ERBB4: variants seen among roughly 807,000 people sequenced by gnomAD.
ERBB4 encodes erb-b2 receptor tyrosine kinase 4.
In ERBB4, 42 loss-of-function variants were observed where a neutral mutation model predicts 158.0. That is an observed-to-expected ratio of 0.27 (90% CI 0.21 to 0.34). The LOEUF is 0.34. ERBB4 is among the 10% of genes least tolerant of loss of function. ERBB4 has a pLI of 1.00. For synonymous variants in ERBB4, 583 were observed against 558.7 expected (o/e 1.04, Z -0.61); for missense variants, 1,333 against 1,624.1 (o/e 0.82, Z 3.08).
intron 15 of ERBB4, among the ~76,000 whole-genome samples, chr2:211,664,243 C>T (rs2071534659): frequency 6.6e-6 from 1 of 152,104 alleles, no homozygotes; most frequent in Admixed American, 6.6e-5. Context: ...CAACAGCTAT[C>T]CCTTAATCTG....
intron 2 of ERBB4, among the ~76,000 whole-genome samples, chr2:212,095,006 G>C (rs1297553319): frequency 6.6e-6 from 1 of 150,916 alleles, no homozygotes; most frequent in Non-Finnish European, 1.5e-5. Flanking sequence ...TTCTGATACT[G>C]TTTTTTTTTC....
chr2:211,671,227 CA>C (rs1453005360), intron 14 of ERBB4, among the ~76,000 whole-genome samples: 1 of 151,936 alleles, frequency 6.6e-6, no homozygotes, highest in Non-Finnish European at 1.5e-5. Context: ...TTAAAATATG[CA>C]AATAATGCAA....
In ERBB4 at chr2:211,379,002, T is replaced by G. The variant is rs1162587478; in HGVS notation, c.*4613A>C. 1 of 231,940 alleles carries G rather than the reference T, an allele frequency of 4.3e-6. No homozygotes were observed. The highest frequency in any genetic ancestry group is 6.1e-5 in the East Asian group (1 of 16,440). 14.4% of individuals were successfully genotyped at this position (231,940 alleles called of 1,614,324 possible). On this transcript the variant is annotated 3_prime_UTR_variant, in exon 28 of 28. Transcript: ENST00000342788. ...GGTTTTTTTAACAACTAGAAGCTGA[T>G]GCACATGGATTTCTCATTTGCCCTA...
chr2:211,570,752 T>A (rs2067700386), intron 19 of ERBB4, among the ~76,000 whole-genome samples: 1 of 152,132 alleles, frequency 6.6e-6, no homozygotes, highest in South Asian at 2.1e-4. Flanking sequence ...ATCTGTACAT[T>A]AGGGATATTT....
chr2:211,876,884 A>G (rs1455975431), intron 3 of ERBB4, among the ~76,000 whole-genome samples: 1 of 152,220 alleles, frequency 6.6e-6, no homozygotes, highest in Admixed American at 6.5e-5. Context: ...AATATTAAAC[A>G]GTATTAAATG....
At chr2:212,503,507 T>C (rs1237733696) in intron 1 of ERBB4, among the ~76,000 whole-genome samples, 1 of 152,130 alleles carries the variant, frequency 6.6e-6, no homozygotes, top group Admixed American at 6.5e-5. Flanking sequence ...CAATGCAGTT[T>C]TGAAGTGATA....
intron 1 of ERBB4, among the ~76,000 whole-genome samples, chr2:212,231,678 GGATA>G (rs2083670889): frequency 1.3e-5 from 2 of 152,072 alleles, no homozygotes; most frequent in South Asian, 2.1e-4. Flanking sequence ...ACAAAAATTA[GGATA>G]GATAAGACCC....
chr2:211,463,484 G>A (rs1173461773), intron 20 of ERBB4, among the ~76,000 whole-genome samples: 1 of 152,150 alleles, frequency 6.6e-6, no homozygotes, highest in Non-Finnish European at 1.5e-5. Context: ...TAACCTAACT[G>A]GAAGTGGGCC....
chr2:212,135,669 G>T (rs1428814628), intron 1 of ERBB4, among the ~76,000 whole-genome samples: 2 of 152,160 alleles, frequency 1.3e-5, no homozygotes, highest in Non-Finnish European at 2.9e-5. Flanking sequence ...TGTCAGAAAT[G>T]TAATATTCCC....
intron 1 of ERBB4, among the ~76,000 whole-genome samples, chr2:212,342,530 T>A (rs2088772893): frequency 6.6e-6 from 1 of 152,142 alleles, no homozygotes; most frequent in Non-Finnish European, 1.5e-5. Flanking sequence ...TTTCCCAGTC[T>A]TGGGTATTCC....
At chr2:212,204,356 C>A (rs777540336) in intron 1 of ERBB4, among the ~76,000 whole-genome samples, 10 of 151,990 alleles carry the variant, frequency 6.6e-5, no homozygotes, top group Admixed American at 2.0e-4. Flanking sequence ...TGCTTTCATT[C>A]TGTTTGCACA....
chr2:211,977,455 C>T (rs2081641330), intron 2 of ERBB4, among the ~76,000 whole-genome samples: 1 of 147,366 alleles, frequency 6.8e-6, no homozygotes, highest in Admixed American at 7.0e-5. Flanking sequence ...CAATTCTTTG[C>T]CGTAACTTCT....
chr2:211,769,894 G>A (rs2075648577), intron 4 of ERBB4, among the ~76,000 whole-genome samples: 1 of 152,184 alleles, frequency 6.6e-6, no homozygotes, highest in Non-Finnish European at 1.5e-5. Flanking sequence ...GGGTGAGTCT[G>A]CCTCTCCCAG....
At chr2:212,263,811 T>A (rs2085032454) in intron 1 of ERBB4, among the ~76,000 whole-genome samples, 2 of 151,906 alleles carry the variant, frequency 1.3e-5, no homozygotes. Flanking sequence ...TTTTTCCTTT[T>A]TTTTCATAAT....
chr2:211,988,582 C>G (rs1162263603), intron 2 of ERBB4, among the ~76,000 whole-genome samples: 1 of 151,972 alleles, frequency 6.6e-6, no homozygotes, highest in Non-Finnish European at 1.5e-5. Flanking sequence ...GCTACTGATT[C>G]AAGTTTCTAA....
In ERBB4 at chr2:211,560,262, C is replaced by CTTTTTTTTTTTTTTTTTTTTTTTTTTTTT. The variant is rs769707072; in HGVS notation, c.2487+1612_2487+1640dup. Reference sequence around the variant, plus strand: ...CAGCACTAACAAATTTGAAGCTTAGCTTTTTTTTTTTTTTTTTTTTTTTTT... The same window carrying CTTTTTTTTTTTTTTTTTTTTTTTTTTTTT: ...CAGCACTAACAAATTTGAAGCTTAGCTTTTTTTTTTTTTTTTTTTTTTTTTTTTTTTTTTTTTTTTTTTTTTTTTTTTTT... On this transcript the variant is annotated intron_variant, in intron 20 of 27. Transcript: ENST00000342788. 1.7e-4 allele frequency among the ~76,000 whole-genome samples: 8 copies of CTTTTTTTTTTTTTTTTTTTTTTTTTTTTT among 46,312 alleles called. 2 individuals are homozygous for CTTTTTTTTTTTTTTTTTTTTTTTTTTTTT. Among genetic ancestry groups the CTTTTTTTTTTTTTTTTTTTTTTTTTTTTT allele is most frequent in the African/African-American group, 3.8e-4 (4 of 10,454 alleles). 30.4% of individuals were successfully genotyped at this position (46,312 alleles called of 152,430 possible).
intron 1 of ERBB4, among the ~76,000 whole-genome samples, chr2:212,433,062 A>T (rs1281831756): frequency 6.6e-6 from 1 of 152,074 alleles, no homozygotes; most frequent in Non-Finnish European, 1.5e-5. Context: ...TGTGGTAGAA[A>T]AGTTATTTAT....
At chr2:212,482,151 T>C (rs190322151) in intron 1 of ERBB4, among the ~76,000 whole-genome samples, 1 of 152,356 alleles carries the variant, frequency 6.6e-6, no homozygotes, top group East Asian at 1.9e-4. Flanking sequence ...TTCATAAGCA[T>C]GTTGGTAAAT....
rs1448692322 is a variant in ERBB4 at position 212,505,581 on chromosome 2, G to A, written c.82+32868C>T. 1.3e-5 allele frequency among the ~76,000 whole-genome samples: 2 copies of A among 149,034 alleles called. 1 individual carries two copies. Among genetic ancestry groups the A allele is most frequent in the Non-Finnish European group, 3.0e-5 (2 of 66,108 alleles). The stretch of plus-strand genomic sequence containing the variant: ...TTGCTGGCTATGCCAAAAAGGCGAT[G>A]CCTCTTTATCTGAGCTATTTCTGAG... On this transcript the variant is annotated intron_variant, in intron 1 of 27. Coordinates refer to ENST00000342788, the MANE Select transcript of ERBB4 (RefSeq NM_005235.3).
Sources: gnomAD v4.1 joint callset for allele counts (sites outside exome capture counted in the v4.1 genomes callset) on GRCh38, gnomAD v4.1.1 for gene constraint, MANE v1.5 for transcripts, NCBI Gene and HGNC (gene_info 2026-07-23, HGNC 2026-07-21) for gene names.